Variants in FAM178B observed in about 807,000 individuals in gnomAD.
The protein encoded by FAM178B is protein FAM178B.
In FAM178B, 82 loss-of-function variants were observed where a neutral mutation model predicts 91.7. That is an observed-to-expected ratio of 0.89 (90% CI 0.75 to 1.07). FAM178B has a LOEUF of 1.07. Ranked by LOEUF, FAM178B falls within the 50% of genes least tolerant of loss-of-function variation. FAM178B has a pLI of 0.00. For missense variants in FAM178B, 769 were observed against 846.7 expected (o/e 0.91, Z 1.14); for synonymous variants, 368 against 359.4 (o/e 1.02, Z -0.27).
At chr2:96,970,910 A>AG in intron 3 of FAM178B, 133 bp from the exon 4 acceptor site, 1 of 720,936 alleles carries the variant, frequency 1.4e-6, no homozygotes, top group Non-Finnish European at 2.3e-6. Flanking sequence ...TTACAGGATT[A>AG]AAAAATCAAA....
At chr2:96,978,469 C>T (rs1434176954) in intron 1 of FAM178B, among the ~76,000 whole-genome samples, 2 of 152,148 alleles carry the variant, frequency 1.3e-5, no homozygotes, top group Non-Finnish European at 2.9e-5. Flanking sequence ...TTGGAGTCCC[C>T]AGTGTCTGTG....
chr2:96,902,066 C>G (rs986668350), intron 13 of FAM178B, among the ~76,000 whole-genome samples: 9 of 151,830 alleles, frequency 5.9e-5, no homozygotes, highest in Non-Finnish European at 1.2e-4. Flanking sequence ...TCCCAAAGTG[C>G]TGGGATTATA....
chr2:96,915,593 A>G (rs1206346156), intron 12 of FAM178B, among the ~76,000 whole-genome samples: 2 of 151,412 alleles, frequency 1.3e-5, no homozygotes, highest in African/African-American at 4.8e-5. Flanking sequence ...CGAGGCGGGC[A>G]GATCACAAGG....
chr2:96,893,169 T>A (rs970538612), intron 14 of FAM178B, among the ~76,000 whole-genome samples: 2 of 152,120 alleles, frequency 1.3e-5, no homozygotes, highest in South Asian at 4.1e-4. Context: ...ATTATAACGA[T>A]CCCTATCTCC....
chr2:96,944,079 C>G (rs1350843968), intron 8 of FAM178B, among the ~76,000 whole-genome samples: 2 of 151,950 alleles, frequency 1.3e-5, no homozygotes, highest in African/African-American at 4.8e-5. Flanking sequence ...CCTGTCTCTA[C>G]TAAAAATACA....
chr2:96,878,602 G>T, intron 14 of FAM178B, 109 bp from the exon 15 acceptor site: 1 of 972,872 alleles, frequency 1.0e-6, no homozygotes, highest in Non-Finnish European at 1.6e-6. Flanking sequence ...CCAGGCAGGG[G>T]CTCAGTCACC....
intron 12 of FAM178B, among the ~76,000 whole-genome samples, chr2:96,905,683 T>C (rs1490909975): frequency 6.7e-6 from 1 of 149,860 alleles, no homozygotes; most frequent in Admixed American, 6.7e-5. Context: ...ATGCCTGTAA[T>C]CCCAGCACTT....
intron 1 of FAM178B, among the ~76,000 whole-genome samples, chr2:96,980,178 C>G (rs1186718087): frequency 6.6e-6 from 1 of 150,720 alleles, no homozygotes; most frequent in Non-Finnish European, 1.5e-5. Context: ...CCGTTTTAAG[C>G]AATTCTCATG....
chr2:96,954,747 T>G (rs930715062), intron 6 of FAM178B, among the ~76,000 whole-genome samples: 4 of 152,250 alleles, frequency 2.6e-5, no homozygotes, highest in African/African-American at 9.6e-5. Context: ...GCTTTCTCTT[T>G]CTTTGTTTAA....
At chr2:96,941,752 T>C (rs780198629) in intron 8 of FAM178B, among the ~76,000 whole-genome samples, 22 of 152,202 alleles carry the variant, frequency 1.4e-4, no homozygotes, top group Non-Finnish European at 2.5e-4. Flanking sequence ...AAATGGACAA[T>C]TGTCTTGGAA....
In FAM178B at chr2:96,950,870, C is replaced by T. The variant is rs764600475; in HGVS notation, c.993+509G>A. On this transcript the variant is annotated intron_variant, in intron 7 of 16. Transcript: ENST00000490605. ...ACACGCTCAAACGCCCAAGCACCCT[C>T]GGCTCCAAATTCACGAGGGATCCAA... Among the ~76,000 whole-genome samples, 6 of 152,332 alleles carry T rather than the reference C, an allele frequency of 3.9e-5. No individual in the cohort carries two copies. In the South Asian group the frequency reaches 6.2e-4, roughly 16 times the overall value.
intron 8 of FAM178B, among the ~76,000 whole-genome samples, chr2:96,942,717 T>C (rs2081754877): frequency 6.6e-6 from 1 of 152,150 alleles, no homozygotes; most frequent in Admixed American, 6.5e-5. Context: ...AAAAGTATAG[T>C]TAGAGGACTC....
At chr2:96,949,282 G>A (rs1379323038) in intron 7 of FAM178B, among the ~76,000 whole-genome samples, 1 of 152,116 alleles carries the variant, frequency 6.6e-6, no homozygotes, top group Non-Finnish European at 1.5e-5. Flanking sequence ...CCTCACCCAC[G>A]CCCTGGCTCA....
intron 1 of FAM178B, among the ~76,000 whole-genome samples, chr2:96,973,995 T>A (rs1418014473): frequency 1.3e-5 from 2 of 151,806 alleles, no homozygotes; most frequent in Non-Finnish European, 2.9e-5. Flanking sequence ...AGAGTGAGAC[T>A]CTGTCTCAAA....
intron 14 of FAM178B, among the ~76,000 whole-genome samples, chr2:96,888,421 A>T (rs1189617339): frequency 6.6e-6 from 1 of 152,228 alleles, no homozygotes; most frequent in African/African-American, 2.4e-5. Flanking sequence ...AAGAGGCTCC[A>T]CCTGCCTTTC....
At chr2:96,895,087 T>C (rs1235212723) in intron 13 of FAM178B, 1 of 1,289,482 alleles carries the variant, frequency 7.8e-7, no homozygotes, top group South Asian at 1.2e-5. Context: ...ATCATCTTCA[T>C]TCCGCCTGGC....
In FAM178B at chr2:96,972,724, A is replaced by G. The variant is rs942523394; in HGVS notation, c.74-118T>C. On this transcript the variant is annotated intron_variant, in intron 1 of 16. Coordinates refer to ENST00000490605, the MANE Select transcript of FAM178B (RefSeq NM_001122646.3). ...ACTGTGCCCAAGAGGGTCCGCCCTG[A>G]GGACTGGCCTTCTGATCCCACCAAG... 27 of 828,238 alleles carry G rather than the reference A, an allele frequency of 3.3e-5. No homozygotes were observed. The Middle Eastern group carries it at 1.6e-3, about 48-fold the overall frequency. 51.3% of individuals were successfully genotyped at this position (828,238 alleles called of 1,614,324 possible).
At chr2:96,889,425 T>G (rs1014465861) in intron 14 of FAM178B, among the ~76,000 whole-genome samples, 4 of 152,098 alleles carry the variant, frequency 2.6e-5, no homozygotes, top group Non-Finnish European at 5.9e-5. Flanking sequence ...ATACCTGTAA[T>G]TCCAGCACTG....
At chr2:96,923,923 G>C (rs1478225038) in intron 9 of FAM178B, among the ~76,000 whole-genome samples, 4 of 152,230 alleles carry the variant, frequency 2.6e-5, no homozygotes, top group African/African-American at 9.6e-5. Flanking sequence ...CCACATGGCC[G>C]CTGGTTCTCC....
Sources: gnomAD v4.1 joint callset for allele counts (sites outside exome capture counted in the v4.1 genomes callset) on GRCh38, gnomAD v4.1.1 for gene constraint, MANE v1.5 for transcripts, NCBI Gene and HGNC (gene_info 2026-07-23, HGNC 2026-07-21) for gene names.